TEAD1: variants seen among roughly 807,000 people sequenced by gnomAD.
TEAD1 encodes TEA domain transcription factor 1.
In TEAD1, 9 loss-of-function variants were observed where a neutral mutation model predicts 54.9. The ratio of observed to expected loss-of-function variants is 0.16; its 90% CI spans 0.10 to 0.29. TEAD1 has a LOEUF of 0.29. Among genes scored for constraint, TEAD1 ranks in the 10% least tolerant of loss-of-function variants. The pLI is 1.00. For synonymous variants in TEAD1, 200 were observed against 187.8 expected (o/e 1.07, Z -0.53); for missense variants, 387 against 535.9 (o/e 0.72, Z 2.74).
intron 3 of TEAD1, among the ~76,000 whole-genome samples, chr11:12,773,774 C>T (rs1015032605): frequency 6.6e-6 from 1 of 152,200 alleles, no homozygotes; most frequent in Non-Finnish European, 1.5e-5. Context: ...AAACTTTTAA[C>T]AGCGAAAGTT....
chr11:12,921,541 A>AAAAG (rs1948807238), intron 10 of TEAD1, among the ~76,000 whole-genome samples: 2 of 146,564 alleles, frequency 1.4e-5, no homozygotes, highest in South Asian at 4.2e-4. Context: ...TCCATCTCAA[A>AAAAG]AAAAAAAAAA....
At position 12,838,995 on chromosome 11, in the gene TEAD1, C is replaced by CAA. The variant is rs1273649791; in HGVS notation, c.203-23254_203-23253insAA. On this transcript the variant is annotated intron_variant, in intron 3 of 12. Transcript: ENST00000527636. Reference sequence around the variant, plus strand: ...CTTATAAATTCCTTTTGACAAAAGACACGTCACCACACAAGCAAGTTAGGA... The same window carrying CAA: ...CTTATAAATTCCTTTTGACAAAAGACAAACGTCACCACACAAGCAAGTTAGGA... 1.3e-4 allele frequency among the ~76,000 whole-genome samples: 20 copies of CAA among 152,270 alleles called. No individual in the cohort carries two copies. In the East Asian group the frequency reaches 3.5e-3, roughly 26 times the overall value.
In TEAD1 at chr11:12,777,379, C is replaced by T. The variant is rs547552647; in HGVS notation, c.202+12945C>T. On this transcript the variant is annotated intron_variant, in intron 3 of 12. Transcript: ENST00000527636. ...GCTCACTGTATGCCTACCCTCTTCC[C>T]TGGGTCTGCCTCTGTGCTCTGTGAC... 5.3e-5 allele frequency among the ~76,000 whole-genome samples: 8 copies of T among 152,236 alleles called. No homozygotes were observed. The South Asian group carries it at 1.7e-3, about 32-fold the overall frequency.
intron 2 of TEAD1, among the ~76,000 whole-genome samples, chr11:12,745,537 C>T (rs1417151110): frequency 2.7e-5 from 4 of 149,306 alleles, no homozygotes; most frequent in African/African-American, 9.9e-5. Flanking sequence ...CGCTGCCTGT[C>T]TGCATGTCAA....
intron 3 of TEAD1, among the ~76,000 whole-genome samples, chr11:12,801,658 C>T (rs145404196): frequency 1.2e-4 from 19 of 152,282 alleles, no homozygotes; most frequent in African/African-American, 4.6e-4. Flanking sequence ...TTCCAAAGCC[C>T]ATGCTCTTAG....
intron 5 of TEAD1, 191 bp downstream of exon 5, chr11:12,865,091 G>A: frequency 2.9e-6 from 2 of 690,102 alleles, no homozygotes; most frequent in Non-Finnish European, 5.2e-6. Flanking sequence ...ATGTGTGTGA[G>A]CGCGTGTGTG....
At chr11:12,825,441 G>A (rs1368603416) in intron 3 of TEAD1, among the ~76,000 whole-genome samples, 2 of 152,108 alleles carry the variant, frequency 1.3e-5, no homozygotes, top group African/African-American at 4.8e-5. Context: ...TTACATACTA[G>A]CACCAAGCAA....
chr11:12,842,875 A>G (rs1947068410), intron 3 of TEAD1, among the ~76,000 whole-genome samples: 1 of 152,214 alleles, frequency 6.6e-6, no homozygotes, highest in African/African-American at 2.4e-5. Context: ...AACTTTTAAA[A>G]TTCTAAACTT....
At chr11:12,917,590 G>C (rs180981791) in intron 10 of TEAD1, among the ~76,000 whole-genome samples, 4 of 152,188 alleles carry the variant, frequency 2.6e-5, no homozygotes. Context: ...ACTCCTGGGC[G>C]TAAGTGGCCA....
At chr11:12,851,191 C>T (rs1947266768) in intron 3 of TEAD1, 6 of 695,236 alleles carry the variant, frequency 8.6e-6, no homozygotes, top group Non-Finnish European at 8.8e-6. Flanking sequence ...AAAAGTCATA[C>T]ATATACAGAG....
In TEAD1 at chr11:12,814,321, G is replaced by A. The variant is rs920272514; in HGVS notation, c.203-47929G>A. On this transcript the variant is annotated intron_variant, in intron 3 of 12. Coordinates refer to ENST00000527636, the MANE Select transcript of TEAD1 (RefSeq NM_021961.6). ...GTGTTTGGGTGCTGCTTCCACTCTG[G>A]CTCTTGACAACAGAGTTTGTTCCCT... is the stretch of plus-strand genomic sequence containing the variant. Among the ~76,000 whole-genome samples the A allele has an allele frequency of 3.3e-5, 5 of 152,314 alleles. No homozygotes were observed. In the East Asian group the frequency reaches 7.7e-4, roughly 24 times the overall value.
At chr11:12,808,990 T>C (rs968424342) in intron 3 of TEAD1, among the ~76,000 whole-genome samples, 1 of 152,174 alleles carries the variant, frequency 6.6e-6, no homozygotes, top group African/African-American at 2.4e-5. Context: ...GGTTTGGAAT[T>C]GGGAATTTTC....
intron 3 of TEAD1, among the ~76,000 whole-genome samples, chr11:12,783,133 T>TGTGTGTGTGTGTGCGC (rs1198828193): frequency 4.8e-5 from 7 of 145,570 alleles, no homozygotes; most frequent in African/African-American, 1.9e-4. Context: ...TGTGTGTGTG[T>TGTGTGTGTGTGTGCGC]GCGCGCACTT....
intron 3 of TEAD1, among the ~76,000 whole-genome samples, chr11:12,820,825 TTAAA>T (rs1409072586): frequency 2.0e-5 from 3 of 152,166 alleles, no homozygotes; most frequent in Non-Finnish European, 4.4e-5. Flanking sequence ...GTACATTAAC[TTAAA>T]TAAATCAAAG....
chr11:12,829,579 A>T (rs1425631483), intron 3 of TEAD1, among the ~76,000 whole-genome samples: 1 of 152,220 alleles, frequency 6.6e-6, no homozygotes, highest in African/African-American at 2.4e-5. Context: ...GATAATGCTC[A>T]TACTGATCCT....
intron 4 of TEAD1, among the ~76,000 whole-genome samples, chr11:12,863,451 TG>T (rs1016060484): frequency 3.0e-4 from 45 of 151,900 alleles, no homozygotes; most frequent in African/African-American, 9.0e-4. Context: ...CTGAAGAGGA[TG>T]GGGGAGTTTC....
At position 12,827,779 on chromosome 11, in the gene TEAD1, G is replaced by A. The variant is rs568363691; in HGVS notation, c.203-34471G>A. 1.4e-4 allele frequency among the ~76,000 whole-genome samples: 21 copies of A among 152,304 alleles called. No homozygotes were observed. The South Asian group carries it at 4.3e-3, about 32-fold the overall frequency. On this transcript the variant is annotated intron_variant, in intron 3 of 12. Transcript: ENST00000527636. Reference sequence around the variant, plus strand: ...TGACACTGGTGATATGGGAGAAGGAGAAAAATCCTAGAATCAAAGATACTT... The same window carrying A: ...TGACACTGGTGATATGGGAGAAGGAAAAAAATCCTAGAATCAAAGATACTT...
intron 9 of TEAD1, among the ~76,000 whole-genome samples, chr11:12,884,345 C>CA (rs1380576714): frequency 2.0e-5 from 3 of 152,188 alleles, no homozygotes; most frequent in African/African-American, 7.2e-5. Context: ...CACCAACTCT[C>CA]ACCACGTTCT....
chr11:12,695,804 C>T (rs1232453157), intron 2 of TEAD1, among the ~76,000 whole-genome samples: 2 of 152,116 alleles, frequency 1.3e-5, no homozygotes, highest in Non-Finnish European at 2.9e-5. Context: ...CTGAGCCTGC[C>T]CCAGAAGGCT....
Sources: allele counts gnomAD v4.1 joint callset (sites outside exome capture counted in the v4.1 genomes callset), GRCh38; gene constraint gnomAD v4.1.1; transcripts MANE v1.5; gene names NCBI Gene and HGNC (gene_info 2026-07-23, HGNC 2026-07-21).